The following SAP130 variants were observed in gnomAD, a reference collection of about 807,000 sequenced individuals.
SAP130 encodes Sin3A associated protein 130, also known as histone deacetylase complex subunit SAP130.
In SAP130, 16 loss-of-function variants were observed where a neutral mutation model predicts 103.2. The ratio of observed to expected loss-of-function variants is 0.16; its 90% CI spans 0.10 to 0.24. The LOEUF is 0.24. Among genes scored for constraint, SAP130 ranks in the 10% least tolerant of loss-of-function variants. The probability of loss-of-function intolerance (pLI) is 1.00; values close to 1 mark genes in which losing one functional copy is unlikely to be tolerated. For missense variants in SAP130, 990 were observed against 1,359.7 expected (o/e 0.73, Z 4.28); for synonymous variants, 477 against 497.0 (o/e 0.96, Z 0.53).
In SAP130 at chr2:127,942,660, T is replaced by C. The variant is rs946759267; in HGVS notation, c.2902-123A>G. 7.7e-6 allele frequency: 5 copies of C among 647,084 alleles called. No individual in the cohort carries two copies. The African/African-American group carries it at 9.1e-5, about 12-fold the overall frequency. 40.1% of individuals were successfully genotyped at this position (647,084 alleles called of 1,614,324 possible). ...TCTAAGAGTTGTTTGGGTGACAACG[T>C]CCTTTCTCCTAAGGACTAAGATACT... On this transcript the variant is annotated intron_variant, in intron 19 of 20. Transcript: ENST00000643581. This position sits in a 1 kb window ranked among gnomAD's most constrained non-coding sequence, Gnocchi z 4.8.
chr2:128,017,728 T>C lies in SAP130; in HGVS notation c.300A>G (p.Ala100=), dbSNP rs748552321. 1 of 1,614,230 alleles carries C rather than the reference T, an allele frequency of 6.2e-7. No individual in the cohort carries two copies. Among genetic ancestry groups the C allele is most frequent in the East Asian group, 2.2e-5 (1 of 44,892 alleles). The change falls in exon 3 of 21, where the codon GCA becomes GCG. Residue 100 remains alanine, a synonymous_variant. Coordinates refer to ENST00000643581, the MANE Select transcript of SAP130 (RefSeq NM_001330301.2). ...AAAGTGGCACTGCTGGCGTCAGGTGTGCTGGCGGGGCTGTCACTGCAACAG... is the reference window on the plus strand; with the variant it reads ...AAAGTGGCACTGCTGGCGTCAGGTGCGCTGGCGGGGCTGTCACTGCAACAG... ...ATPVAVTAPP[A]HLTPAVPLSF...
At chr2:128,027,810 G>T in intron 1 of SAP130, 130 bp downstream of exon 1, 1 of 580,836 alleles carries the variant, frequency 1.7e-6, no homozygotes, top group Non-Finnish European at 2.2e-6. Flanking sequence ...GCCGCGGTCC[G>T]AGCCGCAGGA....
chr2:127,994,178 C>A (rs1683017159), intron 11 of SAP130, among the ~76,000 whole-genome samples: 1 of 152,082 alleles, frequency 6.6e-6, no homozygotes, highest in African/African-American at 2.4e-5. Flanking sequence ...TAATTTAAAA[C>A]CTAAAAGATA....
intron 4 of SAP130, 38 bp from the exon 5 acceptor site, chr2:128,014,952 T>C (rs754887645): frequency 6.4e-7 from 1 of 1,566,470 alleles, no homozygotes; most frequent in Non-Finnish European, 8.8e-7. Flanking sequence ...TTTACATGTT[T>C]GCTCTTAGCC....
chr2:127,960,160 T>C (rs1452859874), intron 15 of SAP130, among the ~76,000 whole-genome samples: 2 of 152,238 alleles, frequency 1.3e-5, no homozygotes, highest in Non-Finnish European at 2.9e-5. Flanking sequence ...TGTTTTCTGA[T>C]ATGCCAAGTA....
chr2:127,973,855 C>T (rs1350960574), intron 15 of SAP130, among the ~76,000 whole-genome samples: 15 of 152,082 alleles, frequency 9.9e-5, no homozygotes, highest in Admixed American at 8.5e-4. Context: ...GGGAATACTG[C>T]TTGAGCCCAG....
intron 16 of SAP130, among the ~76,000 whole-genome samples, chr2:127,952,366 G>C (rs1370946815): frequency 1.3e-5 from 2 of 150,622 alleles, no homozygotes; most frequent in African/African-American, 4.9e-5. Flanking sequence ...CAGGAGAATT[G>C]CTTGAAACCA....
intron 11 of SAP130, 113 bp from the exon 12 acceptor site, chr2:127,993,421 C>T (rs1559077504): frequency 1.7e-6 from 2 of 1,180,118 alleles, no homozygotes; most frequent in East Asian, 2.8e-5. Flanking sequence ...ACAAGCTTTG[C>T]TCAAATTGTG....
chr2:127,985,464 C>T (rs958179081), intron 14 of SAP130, among the ~76,000 whole-genome samples: 4 of 152,186 alleles, frequency 2.6e-5, no homozygotes, highest in Admixed American at 1.3e-4. Context: ...CTCTCTGAAA[C>T]ATGTCTGCTC....
At chr2:127,971,181 G>A (rs753906773) in intron 15 of SAP130, among the ~76,000 whole-genome samples, 6 of 151,708 alleles carry the variant, frequency 4.0e-5, no homozygotes, top group African/African-American at 7.3e-5. Flanking sequence ...TCGAACCCCC[G>A]GGCTCCCCCC....
At chr2:127,974,894 T>C (rs1681352895) in intron 15 of SAP130, among the ~76,000 whole-genome samples, 3 of 151,418 alleles carry the variant, frequency 2.0e-5, no homozygotes, top group South Asian at 4.1e-4. Flanking sequence ...TAGTATTCAG[T>C]ACAGTAAAGT....
intron 15 of SAP130, among the ~76,000 whole-genome samples, chr2:127,965,283 G>A (rs1236053690): frequency 2.0e-5 from 3 of 152,194 alleles, no homozygotes; most frequent in Admixed American, 6.5e-5. Flanking sequence ...GCAACAGAGC[G>A]AGACTCCGTC....
intron 2 of SAP130, among the ~76,000 whole-genome samples, chr2:128,019,830 G>C (rs889798608): frequency 3.3e-5 from 5 of 151,802 alleles, no homozygotes; most frequent in Non-Finnish European, 7.4e-5. Flanking sequence ...GAGGTTGGGA[G>C]ATCCTGCCAC....
At chr2:128,012,882 C>T in intron 6 of SAP130, 148 bp downstream of exon 6, 4 of 662,476 alleles carry the variant, frequency 6.0e-6, no homozygotes, top group Non-Finnish European at 6.9e-6. Flanking sequence ...TGCATTCTTA[C>T]AGCTTGCCAC....
intron 15 of SAP130, among the ~76,000 whole-genome samples, chr2:127,962,210 T>C (rs988902071): frequency 6.6e-6 from 1 of 152,174 alleles, no homozygotes; most frequent in South Asian, 2.1e-4. Context: ...ATTTTGCCAG[T>C]ATGAAAGGTA....
rs1427709548 is a variant in SAP130 at position 127,941,677 on chromosome 2, A to T, written c.*329T>A. 9.7e-6 allele frequency: 3 copies of T among 309,712 alleles called. No homozygotes were observed. The highest frequency in any genetic ancestry group is 1.2e-5 in the Non-Finnish European group (2 of 168,908). The allele number at this position is 309,712 out of a possible 1,614,324, so 19.2% of individuals were successfully genotyped here. Reference sequence around the variant, plus strand: ...GGGCCTGCAGGAATCCACTAGATAAATACAGTCTATAAACCGGAAGGCTGA... The same window carrying T: ...GGGCCTGCAGGAATCCACTAGATAATTACAGTCTATAAACCGGAAGGCTGA... On this transcript the variant is annotated 3_prime_UTR_variant, in exon 21 of 21. Coordinates refer to ENST00000643581, the MANE Select transcript of SAP130 (RefSeq NM_001330301.2).
chr2:128,012,893 A>G (rs1573830696), intron 6 of SAP130, 137 bp downstream of exon 6: 1 of 772,248 alleles, frequency 1.3e-6, no homozygotes, highest in Non-Finnish European at 1.9e-6. Flanking sequence ...AGCTTGCCAC[A>G]TGACACTGTG....
chr2:127,977,271 A>G (rs532624450), intron 15 of SAP130, among the ~76,000 whole-genome samples: 253 of 147,164 alleles, frequency 1.7e-3, no homozygotes, highest in Non-Finnish European at 3.3e-3. Flanking sequence ...ACGTGGATCA[A>G]TTGAGGTCAG....
intron 7 of SAP130, among the ~76,000 whole-genome samples, chr2:128,003,958 T>A (rs1049966523): frequency 1.0e-4 from 5 of 49,096 alleles, no homozygotes; most frequent in Non-Finnish European, 1.4e-4. Context: ...ACAGATCAGC[T>A]TTTTTTTTTT....
Sources: gnomAD v4.1 joint callset for allele counts (sites outside exome capture counted in the v4.1 genomes callset) on GRCh38, gnomAD v4.1.1 for gene constraint, Gnocchi (gnomAD v3.1) non-coding constraint, MANE v1.5 for transcripts, NCBI Gene and HGNC (gene_info 2026-07-23, HGNC 2026-07-21) for gene names.